The following NBN variants were observed in gnomAD, a reference collection of about 807,000 sequenced individuals.
NBN encodes nibrin.
NBN carries 88 observed loss-of-function variants against 90.8 expected under a neutral mutation model. The ratio of observed to expected loss-of-function variants is 0.97; its 90% CI spans 0.82 to 1.16. The LOEUF is 1.16. NBN is among the 50% of genes most tolerant of loss of function. NBN has a pLI of 0.00. For synonymous variants in NBN, 328 were observed against 295.1 expected (o/e 1.11, Z -1.14); for missense variants, 894 against 869.6 (o/e 1.03, Z -0.35).
Position 89,935,432 on chromosome 8 carries a change from C to CAA in NBN, c.*148_*149dup. ...AAACAATTGTTACATACAAAAGAATCAAAGTTTTGTGCATTTTATTTAATA... is the reference window on the plus strand; with the variant it reads ...AAACAATTGTTACATACAAAAGAATCAAAAAGTTTTGTGCATTTTATTTAATA... On this transcript the variant is annotated 3_prime_UTR_variant, in exon 16 of 16. Transcript: ENST00000265433. 1.2e-6 allele frequency: 1 copy of CAA among 867,446 alleles called. No homozygotes were observed. Among genetic ancestry groups the CAA allele is most frequent in the East Asian group, 2.7e-5 (1 of 36,988 alleles). 53.7% of individuals were successfully genotyped at this position (867,446 alleles called of 1,614,324 possible).
intron 11 of NBN, among the ~76,000 whole-genome samples, chr8:89,952,848 A>G (rs957674834): frequency 6.6e-6 from 1 of 152,210 alleles, no homozygotes; most frequent in African/African-American, 2.4e-5. Context: ...TACAAAACCT[A>G]AATGAAAATG....
intron 13 of NBN, among the ~76,000 whole-genome samples, chr8:89,945,145 A>C (rs927082004): frequency 2.0e-5 from 3 of 152,190 alleles, no homozygotes; most frequent in African/African-American, 7.2e-5. Flanking sequence ...ACTATAAAAA[A>C]AGTCTTTTGA....
chr8:89,981,328 G>A lies in NBN; in HGVS notation c.320+47C>T, dbSNP rs778205573. On this transcript the variant is annotated intron_variant, in intron 3 of 15. Coordinates refer to ENST00000265433, the MANE Select transcript of NBN (RefSeq NM_002485.5). ...AAATATCATTTTCCTTTAGGATTTG[G>A]CTGAAACAAAGCTGTCCATTTTAAA... The A allele has an allele frequency of 3.2e-6, 5 of 1,550,046 alleles. 1 individual carries two copies. The South Asian group carries it at 5.6e-5, about 17-fold the overall frequency.
intron 13 of NBN, 88 bp downstream of exon 13, chr8:89,946,052 T>C: frequency 9.5e-7 from 1 of 1,050,680 alleles, no homozygotes; most frequent in Non-Finnish European, 1.4e-6. Flanking sequence ...GTTTTCAACA[T>C]AAACTGCTTT....
intron 8 of NBN, 142 bp downstream of exon 8, chr8:89,964,268 G>A (rs1389663880): frequency 1.1e-6 from 1 of 912,882 alleles, no homozygotes; most frequent in African/African-American, 1.7e-5. Flanking sequence ...TTTATGGAAT[G>A]AATAAATGAA....
Position 89,980,869 on chromosome 8 carries a change from T to A in NBN, c.345A>T (p.Ala115=). 1 of 1,612,756 alleles carries A rather than the reference T, an allele frequency of 6.2e-7. No individual in the cohort carries two copies. The highest frequency in any genetic ancestry group is 2.2e-5 in the East Asian group (1 of 44,786). ...CAGAGACATCTAAACAAGAAGAGCA[T>A]GCAACCAAAGGCTCATACTCTATTC... ...KFRIEYEPLV[A]CSSCLDVSGK... Residue 115 remains alanine, a synonymous_variant, in exon 4 of 16, where the codon GCA becomes GCT. Transcript: ENST00000265433.
intron 5 of NBN, among the ~76,000 whole-genome samples, chr8:89,976,081 T>A (rs538040582): frequency 6.6e-6 from 1 of 152,274 alleles, no homozygotes; most frequent in South Asian, 2.1e-4. Context: ...AACCTCCACT[T>A]CCTGGATTCA....
intron 14 of NBN, among the ~76,000 whole-genome samples, chr8:89,939,172 T>C (rs1320518898): frequency 2.6e-5 from 4 of 151,920 alleles, no homozygotes; most frequent in African/African-American, 7.3e-5. Flanking sequence ...AAATCAAGAC[T>C]GGTGGGTCTG....
intron 5 of NBN, among the ~76,000 whole-genome samples, chr8:89,977,661 T>C (rs971001629): frequency 5.3e-5 from 8 of 152,196 alleles, no homozygotes; most frequent in Non-Finnish European, 1.0e-4. Context: ...CTGTCTTCCA[T>C]AATGGTTGAA....
At chr8:89,975,920 G>C (rs1412259475) in intron 5 of NBN, among the ~76,000 whole-genome samples, 1 of 152,198 alleles carries the variant, frequency 6.6e-6, no homozygotes, top group Non-Finnish European at 1.5e-5. Flanking sequence ...GGTTCCTCAA[G>C]AGGCTTCAGG....
At chr8:89,960,720 C>T (rs937512540) in intron 8 of NBN, among the ~76,000 whole-genome samples, 13 of 152,142 alleles carry the variant, frequency 8.5e-5, no homozygotes, top group African/African-American at 3.1e-4. Context: ...TTACAATTTT[C>T]TCCTTGTTAA....
chr8:89,960,530 T>C (rs1810943931), intron 8 of NBN, among the ~76,000 whole-genome samples: 1 of 152,072 alleles, frequency 6.6e-6, no homozygotes, highest in South Asian at 2.1e-4. Flanking sequence ...TGCACACCTA[T>C]AGTCCCAGCT....
intron 5 of NBN, among the ~76,000 whole-genome samples, chr8:89,972,127 G>A (rs1314532352): frequency 2.0e-5 from 3 of 152,162 alleles, no homozygotes; most frequent in Non-Finnish European, 4.4e-5. Context: ...ACTATCTGCA[G>A]AGATCAACAT....
chr8:89,954,012 G>T (rs1810580778), intron 10 of NBN, among the ~76,000 whole-genome samples: 1 of 152,082 alleles, frequency 6.6e-6, no homozygotes, highest in Non-Finnish European at 1.5e-5. Context: ...GTTGCCAAGA[G>T]ACAGCAACTT....
chr8:89,980,809 A>G lies in NBN; in HGVS notation c.405T>C (p.Leu135=). 6.2e-7 allele frequency: 1 copy of G among 1,613,300 alleles called. No individual in the cohort carries two copies. Among genetic ancestry groups the G allele is most frequent in the Non-Finnish European group, 8.5e-7 (1 of 1,179,398 alleles). ...TCCAATTGTTTACAGTAAATCCTCC[A>G]AGTTGCAATATAGCTTGATTTAAAG... The part of the protein sequence containing the change: ...KTALNQAILQ[L]GGFTVNNWTE... The change falls in exon 4 of 16, where the codon CTT becomes CTC. Residue 135 remains leucine (L), a synonymous_variant. Coordinates refer to ENST00000265433, the MANE Select transcript of NBN (RefSeq NM_002485.5).
At chr8:89,945,060 A>G (rs1324407218) in intron 13 of NBN, among the ~76,000 whole-genome samples, 1 of 152,232 alleles carries the variant, frequency 6.6e-6, no homozygotes, top group Admixed American at 6.5e-5. Flanking sequence ...AGAGATTCAT[A>G]TTACTTCATA....
chr8:89,968,729 G>A (rs186417838), intron 7 of NBN, among the ~76,000 whole-genome samples: 65 of 152,126 alleles, frequency 4.3e-4, no homozygotes, highest in Non-Finnish European at 6.9e-4. Context: ...CCCCACTGCC[G>A]GGTTACTGCT....
chr8:89,938,588 C>T (rs1160505018), intron 14 of NBN, among the ~76,000 whole-genome samples: 1 of 152,018 alleles, frequency 6.6e-6, no homozygotes, highest in Non-Finnish European at 1.5e-5. Flanking sequence ...GGTAAACCTG[C>T]AGAAGATAGG....
chr8:89,961,693 G>A (rs189098056), intron 8 of NBN, among the ~76,000 whole-genome samples: 1 of 152,300 alleles, frequency 6.6e-6, no homozygotes, highest in East Asian at 1.9e-4. Flanking sequence ...TCGGGAGGAG[G>A]AAGGCTGCAG....
Sources: gnomAD v4.1 joint callset for allele counts (sites outside exome capture counted in the v4.1 genomes callset) on GRCh38, gnomAD v4.1.1 for gene constraint, MANE v1.5 for transcripts, NCBI Gene and HGNC (gene_info 2026-07-23, HGNC 2026-07-21) for gene names.